Variants in HDAC9 observed in about 807,000 individuals in gnomAD.
The protein encoded by HDAC9 is histone deacetylase 9.
In HDAC9, 41 loss-of-function variants were observed where a neutral mutation model predicts 139.4. The observed-to-expected ratio is 0.29, with a 90% CI of 0.23 to 0.38. The LOEUF (loss-of-function observed/expected upper bound fraction) is 0.38, where lower values mean the gene tolerates loss of function less well. HDAC9 is among the 10% of genes least tolerant of loss of function. The probability of loss-of-function intolerance (pLI) is 1.00; values close to 1 mark genes in which losing one functional copy is unlikely to be tolerated. For missense variants in HDAC9, 1,147 were observed against 1,297.0 expected, an observed-to-expected ratio of 0.88 and a Z score of 1.78; for synonymous variants, 517 against 476.2, an observed-to-expected ratio of 1.09 and a Z score of -1.12.
At chr7:18,123,783 G>A (rs1032193622) in intron 1 of HDAC9, among the ~76,000 whole-genome samples, 1 of 152,132 alleles carries the variant, frequency 6.6e-6, no homozygotes, top group Non-Finnish European at 1.5e-5. Context: ...TATTGAACTT[G>A]AATACTAGAG....
intron 2 of HDAC9, among the ~76,000 whole-genome samples, chr7:18,228,405 C>T (rs1793216875): frequency 6.6e-6 from 1 of 151,784 alleles, no homozygotes; most frequent in Non-Finnish European, 1.5e-5. Context: ...ACGCCACATA[C>T]CTGAAAACAC....
At chr7:18,207,778 G>A (rs1325129424) in intron 2 of HDAC9, among the ~76,000 whole-genome samples, 6 of 151,674 alleles carry the variant, frequency 4.0e-5, no homozygotes, top group African/African-American at 7.3e-5. Flanking sequence ...GCAATGGCGC[G>A]ATCTCGGCTC....
intron 14 of HDAC9, 114 bp from the exon 15 acceptor site, chr7:18,762,043 T>G: frequency 8.9e-7 from 1 of 1,128,964 alleles, no homozygotes; most frequent in Non-Finnish European, 1.3e-6. Flanking sequence ...CAGTGTCACA[T>G]TCCTACATGA....
chr7:18,654,061 T>C (rs1159725308), intron 11 of HDAC9, among the ~76,000 whole-genome samples: 1 of 152,234 alleles, frequency 6.6e-6, no homozygotes, highest in East Asian at 1.9e-4. Flanking sequence ...TTGTGCACTA[T>C]TGAAAAAAGT....
chr7:18,244,697 C>T (rs1794401878), intron 2 of HDAC9, among the ~76,000 whole-genome samples: 1 of 152,086 alleles, frequency 6.6e-6, no homozygotes. Flanking sequence ...ACTCGGGAGC[C>T]TGAGGCGGGA....
intron 13 of HDAC9, among the ~76,000 whole-genome samples, chr7:18,732,672 TGTGTGCGTATGTGTAC>T (rs1786235848): frequency 7.3e-6 from 1 of 137,422 alleles, no homozygotes; most frequent in Admixed American, 7.0e-5. Flanking sequence ...CACGTGTATA[TGTGTGCGTATGTGTAC>T]ACACACACAC....
chr7:18,956,677 A>G (rs990493524), intron 24 of HDAC9, among the ~76,000 whole-genome samples: 1 of 152,274 alleles, frequency 6.6e-6, no homozygotes, highest in Middle Eastern at 3.4e-3. Context: ...GGTTTTATTC[A>G]TGAATCTTTG....
chr7:18,275,952 A>G (rs898769341), intron 2 of HDAC9, among the ~76,000 whole-genome samples: 3 of 152,320 alleles, frequency 2.0e-5, no homozygotes, highest in East Asian at 3.9e-4. Flanking sequence ...TGTCTTATCC[A>G]CAGGCATATC....
At chr7:18,791,174 T>A (rs933546369) in intron 16 of HDAC9, among the ~76,000 whole-genome samples, 1 of 152,130 alleles carries the variant, frequency 6.6e-6, no homozygotes, top group African/African-American at 2.4e-5. Flanking sequence ...TGGAAGGAAA[T>A]TTGCCACTGC....
chr7:18,732,079 C>T (rs1478300434), intron 13 of HDAC9, among the ~76,000 whole-genome samples: 3 of 150,742 alleles, frequency 2.0e-5, no homozygotes, highest in African/African-American at 2.4e-5. Context: ...AGGTTGGTCT[C>T]CAACTCCCAA....
chr7:18,740,906 C>T (rs1342054999), intron 13 of HDAC9, among the ~76,000 whole-genome samples: 1 of 152,178 alleles, frequency 6.6e-6, no homozygotes, highest in Non-Finnish European at 1.5e-5. Context: ...CTTGGTAGAT[C>T]AAACCAGCCA....
chr7:18,659,585 A>G (rs1009444692), intron 11 of HDAC9, among the ~76,000 whole-genome samples: 2 of 152,128 alleles, frequency 1.3e-5, no homozygotes, highest in African/African-American at 4.8e-5. Context: ...TGCCCGTGGC[A>G]TGCTTAGTGT....
intron 16 of HDAC9, among the ~76,000 whole-genome samples, chr7:18,782,740 T>C (rs1348071612): frequency 6.6e-6 from 1 of 152,078 alleles, no homozygotes; most frequent in Non-Finnish European, 1.5e-5. Flanking sequence ...GAGAGCTTAC[T>C]GCTTCCAGCA....
intron 1 of HDAC9, among the ~76,000 whole-genome samples, chr7:18,399,037 C>T (rs1787304174): frequency 6.6e-6 from 1 of 152,072 alleles, no homozygotes; most frequent in African/African-American, 2.4e-5. Context: ...AATAAAGCTG[C>T]CTATGGGCAA....
At chr7:18,104,737 C>A (rs373300015) in intron 1 of HDAC9, among the ~76,000 whole-genome samples, 31 of 152,174 alleles carry the variant, frequency 2.0e-4, no homozygotes, top group African/African-American at 6.7e-4. Context: ...TAATTCACTC[C>A]CTCAGTGTGG....
chr7:18,800,530 A>G (rs191827529), intron 17 of HDAC9, among the ~76,000 whole-genome samples: 52 of 152,252 alleles, frequency 3.4e-4, no homozygotes, highest in Non-Finnish European at 6.5e-4. Context: ...TTTCTTAATC[A>G]AGTTTTATAA....
At chr7:18,434,426 C>T (rs772309083) in intron 1 of HDAC9, among the ~76,000 whole-genome samples, 14 of 152,162 alleles carry the variant, frequency 9.2e-5, no homozygotes, top group Non-Finnish European at 1.8e-4. Context: ...AACTAAAGAG[C>T]TTCTGCATAG....
chr7:18,576,146 T>C (rs1245382184), intron 2 of HDAC9, among the ~76,000 whole-genome samples: 1 of 151,936 alleles, frequency 6.6e-6, no homozygotes, highest in Non-Finnish European at 1.5e-5. Flanking sequence ...GACCCTGGAG[T>C]GCATAACATG....
chr7:18,750,523 G>A (rs1319881060), intron 14 of HDAC9, among the ~76,000 whole-genome samples: 1 of 152,074 alleles, frequency 6.6e-6, no homozygotes, highest in Non-Finnish European at 1.5e-5. Flanking sequence ...AAACCCCAAA[G>A]TGAAGGAAAA....
Sources: gnomAD v4.1 joint callset for allele counts (sites outside exome capture counted in the v4.1 genomes callset) on GRCh38, gnomAD v4.1.1 for gene constraint, MANE v1.5 for transcripts, NCBI Gene and HGNC (gene_info 2026-07-23, HGNC 2026-07-21) for gene names.